RIMBP2: variants seen among roughly 807,000 people sequenced by gnomAD.
The protein encoded by RIMBP2 is RIMS-binding protein 2.
Under a neutral mutation model 118.6 loss-of-function variants are expected in RIMBP2, and 48 were observed. The ratio of observed to expected loss-of-function variants is 0.40; its 90% CI spans 0.32 to 0.51. RIMBP2 has a LOEUF of 0.51. RIMBP2 is among the 20% of genes least tolerant of loss of function. The probability of loss-of-function intolerance (pLI) is 0.41; values close to 1 mark genes in which losing one functional copy is unlikely to be tolerated. For missense variants in RIMBP2, 1,551 were observed against 1,768.3 expected (o/e 0.88, Z 2.20); for synonymous variants, 762 against 742.9 (o/e 1.03, Z -0.42).
At chr12:130,545,806 G>C (rs375553591) in intron 2 of RIMBP2, among the ~76,000 whole-genome samples, 1 of 152,214 alleles carries the variant, frequency 6.6e-6, no homozygotes, top group African/African-American at 2.4e-5. Context: ...CCAGAAGCAC[G>C]TGAGAACGTG....
intron 1 of RIMBP2, among the ~76,000 whole-genome samples, chr12:130,653,738 C>A (rs2063319515): frequency 6.6e-6 from 1 of 152,254 alleles, no homozygotes; most frequent in South Asian, 2.1e-4. Flanking sequence ...GTGGAAGCCA[C>A]CAAGCCTCCT....
intron 1 of RIMBP2, among the ~76,000 whole-genome samples, chr12:130,638,771 A>T (rs2062466756): frequency 6.6e-6 from 1 of 152,298 alleles, no homozygotes; most frequent in Admixed American, 6.5e-5. Context: ...CGTTAAAAAA[A>T]AAAAAATTAG....
intron 2 of RIMBP2, among the ~76,000 whole-genome samples, chr12:130,535,044 C>T (rs2053865173): frequency 6.6e-6 from 1 of 152,210 alleles, no homozygotes; most frequent in Non-Finnish European, 1.5e-5. Flanking sequence ...ACTTGAGGTT[C>T]ACCGGCTGCC....
chr12:130,656,829 A>G (rs2136308592), intron 1 of RIMBP2, among the ~76,000 whole-genome samples: 1 of 152,006 alleles, frequency 6.6e-6, no homozygotes, highest in East Asian at 1.9e-4. Context: ...GGATGGTTTG[A>G]GCCTGGGGGG....
intron 17 of RIMBP2, among the ~76,000 whole-genome samples, chr12:130,417,236 G>C (rs192538793): frequency 6.6e-6 from 1 of 152,166 alleles, no homozygotes; most frequent in Admixed American, 6.5e-5. Flanking sequence ...GCCATTACTG[G>C]GTATATACCC....
At chr12:130,575,712 G>A (rs997291650) in intron 2 of RIMBP2, among the ~76,000 whole-genome samples, 1 of 152,194 alleles carries the variant, frequency 6.6e-6, no homozygotes, top group Non-Finnish European at 1.5e-5. Flanking sequence ...AAAGCACCAT[G>A]AAGGGGATGG....
At chr12:130,458,901 G>A (rs537446650) in intron 6 of RIMBP2, among the ~76,000 whole-genome samples, 17 of 151,850 alleles carry the variant, frequency 1.1e-4, no homozygotes, top group East Asian at 1.9e-4. Context: ...AAAATTAGCC[G>A]GGCAGGGAGA....
At chr12:130,654,869 C>T (rs1341068922) in intron 1 of RIMBP2, among the ~76,000 whole-genome samples, 2 of 152,158 alleles carry the variant, frequency 1.3e-5, no homozygotes, top group African/African-American at 2.4e-5. Context: ...GTGACAGCAA[C>T]AGCAAGAAAG....
intron 2 of RIMBP2, among the ~76,000 whole-genome samples, chr12:130,535,281 A>G (rs1263509949): frequency 1.3e-5 from 2 of 152,158 alleles, no homozygotes; most frequent in Non-Finnish European, 2.9e-5. Flanking sequence ...GGAGAATCAC[A>G]TAAGGCCAGG....
intron 1 of RIMBP2, among the ~76,000 whole-genome samples, chr12:130,659,735 G>A (rs1344920204): frequency 6.6e-6 from 1 of 152,022 alleles, no homozygotes; most frequent in Non-Finnish European, 1.5e-5. Context: ...CATTTTGGGA[G>A]GCCAAGGTGG....
At chr12:130,512,577 C>A (rs763780006) in intron 3 of RIMBP2, among the ~76,000 whole-genome samples, 9 of 152,218 alleles carry the variant, frequency 5.9e-5, no homozygotes, top group Non-Finnish European at 8.8e-5. Flanking sequence ...CCCGCCTTGG[C>A]CTCCCAAAGT....
intron 7 of RIMBP2, among the ~76,000 whole-genome samples, chr12:130,454,180 T>C (rs950065820): frequency 5.3e-5 from 8 of 152,240 alleles, no homozygotes; most frequent in South Asian, 4.1e-4. Flanking sequence ...GGAGGTGGTA[T>C]GTTAATTAGC....
intron 10 of RIMBP2, among the ~76,000 whole-genome samples, chr12:130,443,705 G>A (rs1376418867): frequency 5.9e-5 from 9 of 152,178 alleles, no homozygotes; most frequent in Non-Finnish European, 1.3e-4. Flanking sequence ...CCTTTGCACT[G>A]AGGATATGCT....
intron 3 of RIMBP2, among the ~76,000 whole-genome samples, chr12:130,516,122 T>C (rs2051428529): frequency 6.6e-6 from 1 of 152,224 alleles, no homozygotes; most frequent in African/African-American, 2.4e-5. Context: ...CCAGCAACAA[T>C]GTGCAGGATT....
intron 9 of RIMBP2, 65 bp from the exon 10 acceptor site, chr12:130,445,334 G>T: frequency 8.7e-7 from 1 of 1,146,322 alleles, no homozygotes; most frequent in Non-Finnish European, 1.3e-6. Context: ...CCCTGTCCGT[G>T]CAGAACGCCA....
chr12:130,658,268 T>G (rs1240914280), intron 1 of RIMBP2: 1 of 152,048 alleles, frequency 6.6e-6, no homozygotes, highest in African/African-American at 2.4e-5. Context: ...CCTGAGCAAA[T>G]ACTAACACAC....
chr12:130,509,345 G>A (rs1308949933), intron 3 of RIMBP2, among the ~76,000 whole-genome samples: 1 of 152,180 alleles, frequency 6.6e-6, no homozygotes, highest in Non-Finnish European at 1.5e-5. Flanking sequence ...TTCCCTGACA[G>A]ATGACATTTC....
intron 21 of RIMBP2, among the ~76,000 whole-genome samples, chr12:130,403,573 C>T (rs1207230686): frequency 6.6e-6 from 1 of 152,136 alleles, no homozygotes; most frequent in Non-Finnish European, 1.5e-5. Context: ...AACTTTTGTG[C>T]AACTGCAGTC....
Position 130,702,128 on chromosome 12 carries a change from T to TG in RIMBP2, c.-352+14093dup, listed in dbSNP as rs576223101. On this transcript the variant is annotated intron_variant, in intron 1 of 22. Coordinates refer to ENST00000690449, the MANE Select transcript of RIMBP2 (RefSeq NM_001393629.1). ...AGGGTCCCAGCTGTTTGCATTACAG[T>TG]GGGGGAGGAAAATCTAAGCTTCTCT... 4.7e-3 allele frequency among the ~76,000 whole-genome samples: 713 copies of TG among 152,062 alleles called. 13 individuals are homozygous for TG. Among genetic ancestry groups the TG allele is most frequent in the East Asian group, 1.9e-3 (10 of 5,152 alleles).
Sources: gnomAD v4.1 joint callset for allele counts (sites outside exome capture counted in the v4.1 genomes callset) on GRCh38, gnomAD v4.1.1 for gene constraint, MANE v1.5 for transcripts, NCBI Gene and HGNC (gene_info 2026-07-23, HGNC 2026-07-21) for gene names.